The following NFIC variants were observed in gnomAD, a reference collection of about 807,000 sequenced individuals.
NFIC encodes nuclear factor 1 C-type.
In NFIC, 12 loss-of-function variants were observed where a neutral mutation model predicts 54.4. The observed-to-expected ratio is 0.22, with a 90% CI of 0.14 to 0.36. The LOEUF (loss-of-function observed/expected upper bound fraction) is 0.36, where lower values mean the gene tolerates loss of function less well. NFIC is among the 10% of genes least tolerant of loss of function. The pLI is 1.00. For missense variants in NFIC, 575 were observed against 718.2 expected (o/e 0.80, Z 2.28); for synonymous variants, 322 against 319.2 (o/e 1.01, Z -0.09).
rs1252441800 is a variant in NFIC, at chr19:3,453,528, G to A, written c.1270-235G>A. ...AGGGGGTTTACAGAGGAGATGCAGT[G>A]AGCGTGGCCCCAGTAGTGCCGGGCT... On this transcript the variant is annotated intron_variant, in intron 8 of 10. Coordinates refer to ENST00000443272, the MANE Select transcript of NFIC (RefSeq NM_001245002.2). This position sits in a 1 kb window ranked among gnomAD's most constrained non-coding sequence, Gnocchi z 6.7. 2.0e-5 allele frequency among the ~76,000 whole-genome samples: 3 copies of A among 152,216 alleles called. No homozygotes were observed. Among genetic ancestry groups the A allele is most frequent in the Non-Finnish European group, 2.9e-5 (2 of 68,036 alleles).
At chr19:3,455,243 C>T (rs2082533285) in intron 9 of NFIC, among the ~76,000 whole-genome samples, 1 of 152,234 alleles carries the variant, frequency 6.6e-6, no homozygotes, top group African/African-American at 2.4e-5. Context: ...GGATCATGCC[C>T]AGAGCCTGGT....
At chr19:3,398,060 T>C (rs772721525) in intron 2 of NFIC, among the ~76,000 whole-genome samples, 12 of 152,112 alleles carry the variant, frequency 7.9e-5, no homozygotes, top group African/African-American at 1.7e-4. Flanking sequence ...ATCCAGGATT[T>C]TGCACACAGT....
intron 3 of NFIC, among the ~76,000 whole-genome samples, chr19:3,426,152 C>T (rs2082024515): frequency 6.6e-6 from 1 of 151,186 alleles, no homozygotes. Flanking sequence ...CCAGGCTGGT[C>T]TCAAACTCCT....
intron 2 of NFIC, among the ~76,000 whole-genome samples, chr19:3,424,061 C>T (rs1051444884): frequency 6.6e-6 from 1 of 152,022 alleles, no homozygotes; most frequent in Non-Finnish European, 1.5e-5. Context: ...GAGCCTTGCT[C>T]TTGTCGCCCA....
intron 2 of NFIC, among the ~76,000 whole-genome samples, chr19:3,420,972 G>A (rs563933029): frequency 3.9e-5 from 6 of 152,236 alleles, no homozygotes; most frequent in African/African-American, 9.6e-5. Context: ...ATCCACCCAC[G>A]TTGGCCTCCC....
At position 3,459,182 on chromosome 19, in the gene NFIC, C is replaced by T. The variant is rs2082604791; in HGVS notation, c.1509+2547C>T. On this transcript the variant is annotated intron_variant, in intron 10 of 10. Transcript: ENST00000443272. The surrounding 1 kb of genome is among the most constrained non-coding windows in gnomAD (Gnocchi z 4.2). Reference sequence around the variant, plus strand: ...CGCTTCCCTCTGCCCCCTCCTCCCCCAAAGCCTGGGTGGGCGCGCCTTTCC... The same window carrying T: ...CGCTTCCCTCTGCCCCCTCCTCCCCTAAAGCCTGGGTGGGCGCGCCTTTCC... Among the ~76,000 whole-genome samples the T allele has an allele frequency of 6.6e-6, 1 of 151,930 alleles. No homozygotes were observed. Among genetic ancestry groups the T allele is most frequent in the African/African-American group, 2.4e-5 (1 of 41,348 alleles).
chr19:3,434,933 G>A (rs1372043109), intron 5 of NFIC, 150 bp from the exon 6 acceptor site: 2 of 1,073,572 alleles, frequency 1.9e-6, no homozygotes, highest in African/African-American at 1.6e-5. Flanking sequence ...CGTAGGGAAC[G>A]GGCTGAACGC....
At chr19:3,364,056 G>C (rs2080852258), upstream of NFIC, among the ~76,000 whole-genome samples, 1 of 152,104 alleles carries the variant, frequency 6.6e-6, no homozygotes, top group Admixed American at 6.5e-5. Flanking sequence ...CCTCCAAATT[G>C]TGGGCATTAG....
At chr19:3,387,620 C>T (rs975612514) in intron 2 of NFIC, among the ~76,000 whole-genome samples, 1 of 151,902 alleles carries the variant, frequency 6.6e-6, no homozygotes, top group Non-Finnish European at 1.5e-5. Flanking sequence ...GAGGAGGCGT[C>T]TTTGAGGTGA....
At position 3,463,584 on chromosome 19, in the gene NFIC, C is replaced by G. The variant is rs1037272961; in HGVS notation, c.*815C>G. The G allele has an allele frequency of 1.0e-6, 1 of 985,094 alleles. No homozygotes were observed. The highest frequency in any genetic ancestry group is 1.2e-6 in the Non-Finnish European group (1 of 829,844). The allele number at this position is 985,094 out of a possible 1,614,324, so 61.0% of individuals were successfully genotyped here. ...GACTCTTTCAGCCCTCGCGCCCGCC[C>G]GTTTGGGAGGAGAAGTCTCTATGCA... On this transcript the variant is annotated 3_prime_UTR_variant, in exon 11 of 11. Transcript: ENST00000443272.
At chr19:3,419,553 G>A (rs1202088781) in intron 2 of NFIC, among the ~76,000 whole-genome samples, 1 of 152,162 alleles carries the variant, frequency 6.6e-6, no homozygotes, top group Non-Finnish European at 1.5e-5. Flanking sequence ...CGGATCACTT[G>A]AGGTCAGAAG....
intron 2 of NFIC, among the ~76,000 whole-genome samples, chr19:3,386,358 TG>T (rs2081296251): frequency 1.4e-5 from 2 of 140,378 alleles, no homozygotes; most frequent in Non-Finnish European, 3.0e-5. Context: ...GGTCTCACTC[TG>T]TCACCCAGGC....
chr19:3,389,799 A>G (rs561998586), intron 2 of NFIC, among the ~76,000 whole-genome samples: 2 of 152,270 alleles, frequency 1.3e-5, no homozygotes, highest in East Asian at 1.9e-4. Flanking sequence ...CCTGACCAAC[A>G]TGGAGAAACC....
rs56852086 is a variant in NFIC, at chr19:3,371,998, CCTCTCTCTCTCTCTCT to C, written c.30+5362_30+5377del. ...CTTTCTCTCTCTCTCCCTCTCTCTCCCTCTCTCTCTCTCTCTCTCTCTCTCTCTCTCTCTCTCTCTC... is the reference window on the plus strand; with the variant it reads ...CTTTCTCTCTCTCTCCCTCTCTCTCCCTCTCTCTCTCTCTCTCTCTCTCTC... On this transcript the variant is annotated intron_variant, in intron 1 of 10. Coordinates refer to ENST00000443272, the MANE Select transcript of NFIC (RefSeq NM_001245002.2). 3.6e-3 allele frequency among the ~76,000 whole-genome samples: 126 copies of C among 35,408 alleles called. 2 individuals carry two copies. The highest frequency in any genetic ancestry group is 0.011 in the African/African-American group (113 of 9,868). The allele number at this position is 35,408 out of a possible 152,430, so 23.2% of individuals were successfully genotyped here.
At chr19:3,381,319 C>T (rs111265855) in intron 1 of NFIC, among the ~76,000 whole-genome samples, 98 of 147,902 alleles carry the variant, frequency 6.6e-4, no homozygotes, top group African/African-American at 2.4e-3. Flanking sequence ...CGCTTGAACC[C>T]GGGAGGTGGA....
chr19:3,422,982 A>T (rs1434984047), intron 2 of NFIC, among the ~76,000 whole-genome samples: 2 of 151,234 alleles, frequency 1.3e-5, no homozygotes, highest in Admixed American at 6.6e-5. Flanking sequence ...GGATCACCTG[A>T]GGTCAGGAGT....
chr19:3,452,407 G>T lies in NFIC; in HGVS notation c.1085-75G>T, dbSNP rs1367035352. 9 of 1,558,402 alleles carry T rather than the reference G, an allele frequency of 5.8e-6. No homozygotes were observed. The highest frequency in any genetic ancestry group is 3.4e-5 in the Admixed American group (2 of 57,974). On this transcript the variant is annotated intron_variant, in intron 7 of 10. Transcript: ENST00000443272. The surrounding 1 kb of genome is among the most constrained non-coding windows in gnomAD (Gnocchi z 5.3). ...GATGCCGGCAGGAATGACACCCACA[G>T]ACACACAGTCACACGGTCACAGAGC...
At position 3,370,419 on chromosome 19, in the gene NFIC, G is replaced by A. The variant is rs550839997; in HGVS notation, c.30+3753G>A. 1.3e-4 allele frequency among the ~76,000 whole-genome samples: 20 copies of A among 151,964 alleles called. No homozygotes were observed. The highest frequency in any genetic ancestry group is 2.6e-4 in the Non-Finnish European group (18 of 67,946). On this transcript the variant is annotated intron_variant, in intron 1 of 10. Coordinates refer to ENST00000443272, the MANE Select transcript of NFIC (RefSeq NM_001245002.2). This position sits in a 1 kb window ranked among gnomAD's most constrained non-coding sequence, Gnocchi z 5.2. ...CTCTCTGCGGCGGAGGTGCCTCTGC[G>A]CGCCAGGGCCAAGCGCCCTGTAAAT...
rs35724239 is a variant in NFIC at position 3,376,428 on chromosome 19, C to CA, written c.31-5253dup. On this transcript the variant is annotated intron_variant, in intron 1 of 10. Transcript: ENST00000443272. ...TGGGCAACAGTGTGAGACACTGTCT[C>CA]AAAAAAAAAAAAAAAAAAAAAAAAA... is the stretch of plus-strand genomic sequence containing the variant. Among the ~76,000 whole-genome samples, 267 of 48,194 alleles carry CA rather than the reference C, an allele frequency of 5.5e-3. 8 individuals are homozygous for CA. The highest frequency in any genetic ancestry group is 0.014 in the South Asian group (12 of 844). 31.6% of individuals were successfully genotyped at this position (48,194 alleles called of 152,430 possible).
Sources: gnomAD v4.1 joint callset for allele counts (sites outside exome capture counted in the v4.1 genomes callset) on GRCh38, gnomAD v4.1.1 for gene constraint, Gnocchi (gnomAD v3.1) non-coding constraint, MANE v1.5 for transcripts, NCBI Gene and HGNC (gene_info 2026-07-23, HGNC 2026-07-21) for gene names.